Variants in FHIT observed in about 807,000 individuals in gnomAD.
FHIT encodes the protein fragile histidine triad diadenosine triphosphatase, also known as bis(5'-adenosyl)-triphosphatase.
In FHIT, 19 loss-of-function variants were observed where a neutral mutation model predicts 17.9. The ratio of observed to expected loss-of-function variants is 1.06; its 90% CI spans 0.74 to 1.56. The LOEUF (loss-of-function observed/expected upper bound fraction) is 1.56, where lower values mean the gene tolerates loss of function less well. Among genes scored for constraint, FHIT ranks in the 40% most tolerant of loss-of-function variants. The pLI, the probability that FHIT is intolerant of heterozygous loss-of-function variation, is 0.00. For missense variants in FHIT, 248 were observed against 189.2 expected, an observed-to-expected ratio of 1.31 and a Z score of -1.82; for synonymous variants, 81 against 69.7, an observed-to-expected ratio of 1.16 and a Z score of -0.81.
Position 59,950,317 on chromosome 3 carries a change from C to T in FHIT, c.280-27903G>A, listed in dbSNP as rs80236480. On this transcript the variant is annotated intron_variant, in intron 7 of 9. Transcript: ENST00000492590. ...AAACAGGTTCTCCATGACCTGTCCCCATCTCTTCCCTGCCCTCATCACCTG... is the reference window on the plus strand; with the variant it reads ...AAACAGGTTCTCCATGACCTGTCCCTATCTCTTCCCTGCCCTCATCACCTG... Among the ~76,000 whole-genome samples the T allele has an allele frequency of 4.9e-3, 742 of 152,282 alleles. 5 individuals carry two copies. The highest frequency in any genetic ancestry group is 7.8e-3 in the Non-Finnish European group (533 of 68,038).
chr3:60,231,718 T>C (rs1266191714), intron 5 of FHIT, among the ~76,000 whole-genome samples: 1 of 152,190 alleles, frequency 6.6e-6, no homozygotes, highest in African/African-American at 2.4e-5. Context: ...CAGTAAAGTA[T>C]TATTATTATC....
chr3:60,771,963 G>A (rs532631670), intron 4 of FHIT, among the ~76,000 whole-genome samples: 5 of 152,152 alleles, frequency 3.3e-5, no homozygotes, highest in Non-Finnish European at 7.3e-5. Context: ...AAACTCAGAG[G>A]AGTGCCCAAT....
At chr3:61,218,993 G>A (rs753708809) in intron 1 of FHIT, among the ~76,000 whole-genome samples, 15 of 152,118 alleles carry the variant, frequency 9.9e-5, no homozygotes, top group Non-Finnish European at 1.6e-4. Context: ...AAACATCACT[G>A]CATGTACTTA....
intron 3 of FHIT, among the ~76,000 whole-genome samples, chr3:60,931,748 A>T (rs946456483): frequency 6.6e-6 from 1 of 152,224 alleles, no homozygotes; most frequent in Non-Finnish European, 1.5e-5. Flanking sequence ...ACAGTCCAGC[A>T]ATTTTATTAA....
chr3:60,195,416 G>T (rs1025951614), intron 5 of FHIT, among the ~76,000 whole-genome samples: 1 of 151,280 alleles, frequency 6.6e-6, no homozygotes, highest in African/African-American at 2.4e-5. Flanking sequence ...GGTTTCTACC[G>T]AAAGGAAAGT....
intron 5 of FHIT, among the ~76,000 whole-genome samples, chr3:60,349,247 A>C (rs1031724011): frequency 6.6e-6 from 1 of 152,210 alleles, no homozygotes; most frequent in African/African-American, 2.4e-5. Context: ...CTTACTCAAC[A>C]ATACATCTAC....
At chr3:59,963,749 G>C (rs1188026647) in intron 7 of FHIT, among the ~76,000 whole-genome samples, 1 of 152,254 alleles carries the variant, frequency 6.6e-6, no homozygotes, top group East Asian at 1.9e-4. Flanking sequence ...ACTCCAAGAA[G>C]AATTCTCAAT....
At chr3:60,950,422 C>T (rs1708825801) in intron 3 of FHIT, among the ~76,000 whole-genome samples, 1 of 152,014 alleles carries the variant, frequency 6.6e-6, no homozygotes, top group Non-Finnish European at 1.5e-5. Flanking sequence ...ATTCCTTGCA[C>T]TTGGGAATTG....
At chr3:59,785,641 T>C (rs1437007979) in intron 8 of FHIT, among the ~76,000 whole-genome samples, 1 of 152,150 alleles carries the variant, frequency 6.6e-6, no homozygotes, top group Non-Finnish European at 1.5e-5. Context: ...TTTCAGTGCA[T>C]GTATTCAGGT....
At chr3:60,498,131 C>T (rs1307325686) in intron 5 of FHIT, among the ~76,000 whole-genome samples, 1 of 152,128 alleles carries the variant, frequency 6.6e-6, no homozygotes, top group African/African-American at 2.4e-5. Context: ...AGACTTGGCT[C>T]CAAGCCATAG....
intron 8 of FHIT, among the ~76,000 whole-genome samples, chr3:59,768,492 C>T (rs933653563): frequency 2.6e-5 from 4 of 152,216 alleles, no homozygotes; most frequent in African/African-American, 9.6e-5. Context: ...ACTTAGGTGG[C>T]CCTCCAAGAT....
chr3:60,971,662 G>T (rs1710021923), intron 3 of FHIT, among the ~76,000 whole-genome samples: 4 of 152,004 alleles, frequency 2.6e-5, no homozygotes, highest in Admixed American at 2.6e-4. Context: ...CTGTTTGTTT[G>T]CAGTTAGATC....
At chr3:60,916,308 T>C (rs1706997909) in intron 3 of FHIT, among the ~76,000 whole-genome samples, 1 of 152,228 alleles carries the variant, frequency 6.6e-6, no homozygotes, top group Admixed American at 6.5e-5. Context: ...AAGGTATATA[T>C]GCATTCTATT....
chr3:59,920,453 T>C (rs780727423), intron 8 of FHIT, among the ~76,000 whole-genome samples: 9 of 152,194 alleles, frequency 5.9e-5, no homozygotes, highest in African/African-American at 1.2e-4. Flanking sequence ...CATCAGAGCA[T>C]GCAGACAAGG....
chr3:60,144,617 C>T (rs1331106292), intron 5 of FHIT, among the ~76,000 whole-genome samples: 2 of 151,992 alleles, frequency 1.3e-5, no homozygotes, highest in Non-Finnish European at 2.9e-5. Context: ...TTAATGAATA[C>T]ATTATAATTG....
chr3:60,603,665 G>C (rs2038515563), intron 4 of FHIT, among the ~76,000 whole-genome samples: 1 of 152,022 alleles, frequency 6.6e-6, no homozygotes, highest in Admixed American at 6.5e-5. Context: ...GACACAGTGA[G>C]TATAAATGTA....
At chr3:59,842,548 T>C (rs1701571127) in intron 8 of FHIT, among the ~76,000 whole-genome samples, 1 of 152,156 alleles carries the variant, frequency 6.6e-6, no homozygotes, top group Non-Finnish European at 1.5e-5. Context: ...TGCACATGAG[T>C]TCCAATTTCT....
intron 3 of FHIT, among the ~76,000 whole-genome samples, chr3:60,867,576 G>C (rs1185511157): frequency 6.6e-6 from 1 of 152,144 alleles, no homozygotes; most frequent in African/African-American, 2.4e-5. Flanking sequence ...TTCTCCTTTA[G>C]CCCCAAGCAT....
intron 5 of FHIT, among the ~76,000 whole-genome samples, chr3:60,267,510 T>C (rs1442118114): frequency 6.6e-6 from 1 of 152,078 alleles, no homozygotes; most frequent in Non-Finnish European, 1.5e-5. Flanking sequence ...GTATTTAACT[T>C]TGTTCTCAAA....
Sources: allele counts gnomAD v4.1 joint callset (sites outside exome capture counted in the v4.1 genomes callset), GRCh38; gene constraint gnomAD v4.1.1; transcripts MANE v1.5; gene names NCBI Gene and HGNC (gene_info 2026-07-23, HGNC 2026-07-21).